LIMS1: variants seen among roughly 807,000 people sequenced by gnomAD.
LIMS1 encodes the protein LIM zinc finger domain containing 1.
A neutral mutation model predicts 44.1 loss-of-function variants in LIMS1; 18 were observed. That is an observed-to-expected ratio of 0.41 (90% CI 0.28 to 0.61). The LOEUF is 0.61. Among genes scored for constraint, LIMS1 ranks in the 20% least tolerant of loss-of-function variants. LIMS1 has a pLI of 0.32. For synonymous variants in LIMS1, 93 were observed against 149.1 expected, an observed-to-expected ratio of 0.62 and a Z score of 2.74; for missense variants, 201 against 422.0, an observed-to-expected ratio of 0.48 and a Z score of 4.59.
intron 1 of LIMS1, among the ~76,000 whole-genome samples, chr2:108,595,567 G>T (rs1402028376): frequency 6.6e-6 from 1 of 151,986 alleles, no homozygotes; most frequent in East Asian, 1.9e-4. Context: ...CTACTTTGTT[G>T]CCTTTGTCCC....
intron 1 of LIMS1, among the ~76,000 whole-genome samples, chr2:108,609,132 G>C (rs909642680): frequency 3.3e-5 from 5 of 152,178 alleles, no homozygotes; most frequent in Non-Finnish European, 5.9e-5. Context: ...TCGGTGATTC[G>C]AGAGTACTGA....
intron 1 of LIMS1, among the ~76,000 whole-genome samples, chr2:108,585,150 C>CAAAA (rs35679577): frequency 7.2e-5 from 5 of 69,312 alleles, no homozygotes; most frequent in South Asian, 5.3e-4. Flanking sequence ...GACTCCGTCT[C>CAAAA]AAAAAAAAAA....
At chr2:108,552,127 T>C (rs1324780057) in intron 1 of LIMS1, among the ~76,000 whole-genome samples, 1 of 145,200 alleles carries the variant, frequency 6.9e-6, no homozygotes, top group South Asian at 2.1e-4. Context: ...TTATATATAC[T>C]ATATATACTT....
chr2:108,542,973 T>C (rs756634586), intron 1 of LIMS1, among the ~76,000 whole-genome samples: 25 of 152,240 alleles, frequency 1.6e-4, no homozygotes, highest in Non-Finnish European at 3.4e-4. Flanking sequence ...GAAAGTGATA[T>C]TTACAAATTT....
At chr2:108,536,486 T>C (rs13394466) in intron 1 of LIMS1, among the ~76,000 whole-genome samples, 4 of 152,358 alleles carry the variant, frequency 2.6e-5, no homozygotes, top group Non-Finnish European at 2.9e-5. Flanking sequence ...ATGGTATGGA[T>C]GTACAGCAGT....
chr2:108,676,482 G>C, intron 6 of LIMS1, 124 bp from the exon 7 acceptor site: 2 of 1,206,494 alleles, frequency 1.7e-6, no homozygotes, highest in Admixed American at 5.3e-5. Flanking sequence ...GCCACCTATG[G>C]CCAAATGAAA....
intron 1 of LIMS1, among the ~76,000 whole-genome samples, chr2:108,574,045 C>G (rs1037967641): frequency 6.6e-6 from 1 of 151,884 alleles, no homozygotes; most frequent in African/African-American, 2.4e-5. Flanking sequence ...CCCCTCCCCC[C>G]CACCAAAAAA....
intron 9 of LIMS1, 86 bp downstream of exon 9, chr2:108,680,856 G>T (rs1692944444): frequency 1.3e-6 from 2 of 1,558,792 alleles, no homozygotes; most frequent in Non-Finnish European, 1.7e-6. Flanking sequence ...TTTAGAAAAA[G>T]AGAATTATTT....
chr2:108,563,473 G>A (rs1204034892), intron 1 of LIMS1, among the ~76,000 whole-genome samples: 2 of 152,064 alleles, frequency 1.3e-5, no homozygotes, highest in African/African-American at 2.4e-5. Flanking sequence ...GATGACTTTC[G>A]GGGGCTCAAG....
rs955670267 is a variant in LIMS1 at position 108,591,958 on chromosome 2, C to T, written c.32+57364C>T. Among the ~76,000 whole-genome samples, 6 of 151,990 alleles carry T rather than the reference C, an allele frequency of 3.9e-5. 1 individual carries two copies. Among genetic ancestry groups the T allele is most frequent in the African/African-American group, 1.5e-4 (6 of 41,362 alleles). On this transcript the variant is annotated intron_variant, in intron 1 of 9. Transcript: ENST00000544547. Reference sequence around the variant, plus strand: ...TACAGGCACGCACCACCATGCCCGGCTAATTTTTGTATCTTTGGTAGAGAC... The same window carrying T: ...TACAGGCACGCACCACCATGCCCGGTTAATTTTTGTATCTTTGGTAGAGAC...
intron 1 of LIMS1, among the ~76,000 whole-genome samples, chr2:108,647,136 A>ACCCTTTAT (rs1468394464): frequency 1.4e-4 from 22 of 152,320 alleles, no homozygotes; most frequent in African/African-American, 5.3e-4. Flanking sequence ...AGGGGATATC[A>ACCCTTTAT]CCACTGATCC....
chr2:108,682,036 T>G (rs759638526), intron 9 of LIMS1, among the ~76,000 whole-genome samples: 14 of 152,226 alleles, frequency 9.2e-5, no homozygotes, highest in Non-Finnish European at 2.1e-4. Flanking sequence ...CTCAATGTCT[T>G]CAAACTCTTT....
chr2:108,541,722 G>A (rs927031771), intron 1 of LIMS1, among the ~76,000 whole-genome samples: 3 of 152,116 alleles, frequency 2.0e-5, no homozygotes, highest in Non-Finnish European at 4.4e-5. Context: ...CCTCAGTGCT[G>A]TTCATGCCCT....
At position 108,554,641 on chromosome 2, in the gene LIMS1, GCA is replaced by G. The variant is rs572232242; in HGVS notation, c.32+20049_32+20050del. On this transcript the variant is annotated intron_variant, in intron 1 of 9. Coordinates refer to ENST00000544547, the Ensembl canonical transcript of LIMS1. The stretch of plus-strand genomic sequence containing the variant: ...GATGCCTCAGGGTAATTTGTCACCT[GCA>G]CTATTCAATATCCGTGCCATTACAG... Among the ~76,000 whole-genome samples, 3 of 152,136 alleles carry G rather than the reference GCA, an allele frequency of 2.0e-5. No individual in the cohort carries two copies. In the South Asian group the frequency reaches 6.2e-4, roughly 32 times the overall value.
chr2:108,621,654 A>G (rs929983366), intron 1 of LIMS1, among the ~76,000 whole-genome samples: 7 of 152,224 alleles, frequency 4.6e-5, no homozygotes, highest in African/African-American at 1.7e-4. Context: ...ACTTTTGCCC[A>G]TTTCTTCACA....
At chr2:108,544,879 G>C (rs776737624) in intron 1 of LIMS1, among the ~76,000 whole-genome samples, 2 of 152,150 alleles carry the variant, frequency 1.3e-5, no homozygotes, top group Non-Finnish European at 2.9e-5. Flanking sequence ...TCATATCATA[G>C]AGATTTTAAT....
chr2:108,550,291 C>T (rs1384527437), intron 1 of LIMS1, among the ~76,000 whole-genome samples: 2 of 149,806 alleles, frequency 1.3e-5, no homozygotes, highest in African/African-American at 2.5e-5. Flanking sequence ...GTCAGGAGAT[C>T]GAGACCATCC....
chr2:108,595,633 G>GTTGTTT (rs1313985314), intron 1 of LIMS1, among the ~76,000 whole-genome samples: 1 of 151,908 alleles, frequency 6.6e-6, no homozygotes, highest in Non-Finnish European at 1.5e-5. Flanking sequence ...TGTTGTTGTT[G>GTTGTTT]TTGTTGTTCT....
chr2:108,631,122 T>G (rs906060797), intron 1 of LIMS1, among the ~76,000 whole-genome samples: 1 of 152,142 alleles, frequency 6.6e-6, no homozygotes, highest in African/African-American at 2.4e-5. Flanking sequence ...AAGAATGGGG[T>G]AGACTAGCCT....
Sources: gnomAD v4.1 joint callset for allele counts (sites outside exome capture counted in the v4.1 genomes callset) on GRCh38, gnomAD v4.1.1 for gene constraint, MANE v1.5 for transcripts, NCBI Gene and HGNC (gene_info 2026-07-23, HGNC 2026-07-21) for gene names.